DENND2C: variants seen among roughly 807,000 people sequenced by gnomAD.
DENND2C encodes DENN domain containing 2C.
Under a neutral mutation model 112.4 loss-of-function variants are expected in DENND2C, and 72 were observed. That is an observed-to-expected ratio of 0.64 (90% CI 0.53 to 0.78). The LOEUF (loss-of-function observed/expected upper bound fraction) is 0.78, where lower values mean the gene tolerates loss of function less well. Among genes scored for constraint, DENND2C ranks in the 30% least tolerant of loss-of-function variants. DENND2C has a pLI of 0.00. For synonymous variants in DENND2C, 329 were observed against 381.6 expected (o/e 0.86, Z 1.61); for missense variants, 992 against 1,113.8 (o/e 0.89, Z 1.56).
chr1:114,586,358 T>C (rs1655036449), intron 20 of DENND2C, among the ~76,000 whole-genome samples: 1 of 152,218 alleles, frequency 6.6e-6, no homozygotes, highest in Non-Finnish European at 1.5e-5. Flanking sequence ...AATTTATTTA[T>C]ATGCTGTAAA....
At chr1:114,604,058 C>CT (rs1399906570) in intron 11 of DENND2C, among the ~76,000 whole-genome samples, 1 of 152,126 alleles carries the variant, frequency 6.6e-6, no homozygotes, top group Non-Finnish European at 1.5e-5. Flanking sequence ...AGCCAGGCCA[C>CT]TATGAAAGCT....
At position 114,625,655 on chromosome 1, in the gene DENND2C, A is replaced by G. The variant is rs143504160; in HGVS notation, c.330T>C (p.Asn110=). The stretch of plus-strand genomic sequence containing the variant: ...AACATACCCAGTTGGATTCTGATTC[A>G]TTTTTAAAGAAGTGTGTATCGTCAT... ...HEYDDTHFFK[N]ESESNWVCSR... Residue 110 remains asparagine (N), a synonymous_variant, in exon 4 of 21, where the codon AAT becomes AAC. Transcript: ENST00000393274. The G allele has an allele frequency of 6.2e-6, 10 of 1,613,934 alleles. No individual in the cohort carries two copies. In the African/African-American group the frequency reaches 1.2e-4, roughly 19 times the overall value.
chr1:114,635,284 C>G (rs1157669769), intron 3 of DENND2C, among the ~76,000 whole-genome samples: 1 of 151,722 alleles, frequency 6.6e-6, no homozygotes, highest in Admixed American at 6.6e-5. Context: ...AAAGTTCTCC[C>G]TTAAGAAGAA....
chr1:114,644,002 G>A (rs1431356167), intron 3 of DENND2C, among the ~76,000 whole-genome samples: 2 of 152,094 alleles, frequency 1.3e-5, no homozygotes, highest in East Asian at 1.9e-4. Flanking sequence ...TGATTGTAAC[G>A]GGTACTACTG....
chr1:114,587,821 A>G lies in DENND2C; in HGVS notation c.2563T>C (p.Ser855Pro). ...TGGCGTACACTTCGGGAGGTGTGGG[A>G]CTTACGGAATGGTTCCCTTTGGAAA... ...RVFQREPFRK[S>P]HTSRSVRHFL... Residue 855 changes from serine to proline, a missense_variant, in exon 19 of 21, where the codon TCC becomes CCC. Around this residue, in one of 3 missense-constraint regions of DENND2C, gnomAD observed 516 missense variants for 623.6 expected, o/e 0.83. Transcript: ENST00000393274. The G allele has an allele frequency of 6.2e-7, 1 of 1,614,152 alleles. No homozygotes were observed. The highest frequency in any genetic ancestry group is 8.5e-7 in the Non-Finnish European group (1 of 1,180,022).
At chr1:114,604,791 TTCC>T (rs1446399330) in intron 11 of DENND2C, 128 bp downstream of exon 11, 2 of 651,022 alleles carry the variant, frequency 3.1e-6, no homozygotes, top group Non-Finnish European at 5.3e-6. Flanking sequence ...GCTTCTTCCT[TTCC>T]TCCTACCACA....
At chr1:114,661,638 C>A (rs1657494183) in intron 1 of DENND2C, among the ~76,000 whole-genome samples, 1 of 152,034 alleles carries the variant, frequency 6.6e-6, no homozygotes, top group Non-Finnish European at 1.5e-5. Context: ...CAGATTTTGC[C>A]CATTTGACAA....
chr1:114,650,921 C>G (rs952239331), intron 2 of DENND2C, among the ~76,000 whole-genome samples: 2 of 151,940 alleles, frequency 1.3e-5, no homozygotes, highest in African/African-American at 4.8e-5. Context: ...AAATACATCT[C>G]GTATCCTTCA....
chr1:114,603,051 A>C (rs1374608839), intron 11 of DENND2C, among the ~76,000 whole-genome samples: 1 of 152,246 alleles, frequency 6.6e-6, no homozygotes, highest in Non-Finnish European at 1.5e-5. Context: ...CTCATTAGAA[A>C]CATGGGCAAA....
At chr1:114,657,403 C>T (rs569875376) in intron 1 of DENND2C, among the ~76,000 whole-genome samples, 7 of 152,252 alleles carry the variant, frequency 4.6e-5, no homozygotes, top group Admixed American at 2.6e-4. Context: ...GGTAATCAAG[C>T]GTAAGTCAGT....
intron 6 of DENND2C, among the ~76,000 whole-genome samples, 155 bp downstream of exon 6, chr1:114,622,832 C>CA (rs1185002436): frequency 1.3e-5 from 2 of 150,984 alleles, no homozygotes; most frequent in African/African-American, 4.9e-5. Context: ...TATGTTATCC[C>CA]AAAAAACAAA....
rs563947138 is a variant in DENND2C, at chr1:114,622,636, C to T, written c.1056+351G>A. ...CACAGTTTTCATGAACTCTAGGGAG[C>T]CTTTGCTTCTAGGCGTCTCACATAC... is the stretch of plus-strand genomic sequence containing the variant. On this transcript the variant is annotated intron_variant, in intron 6 of 20. Coordinates refer to ENST00000393274, the MANE Select transcript of DENND2C (RefSeq NM_001256404.2). Among the ~76,000 whole-genome samples, 127 of 152,130 alleles carry T rather than the reference C, an allele frequency of 8.3e-4. 1 individual carries two copies. Among genetic ancestry groups the T allele is most frequent in the South Asian group, 2.1e-4 (1 of 4,816 alleles).
intron 3 of DENND2C, among the ~76,000 whole-genome samples, chr1:114,642,040 C>T (rs1271974933): frequency 6.6e-6 from 1 of 152,080 alleles, no homozygotes. Flanking sequence ...GCAACCTCTG[C>T]CTCCCGGTTC....
chr1:114,668,520 AACACACAC>A (rs71580644), intron 1 of DENND2C, among the ~76,000 whole-genome samples: 93 of 146,952 alleles, frequency 6.3e-4, no homozygotes, highest in African/African-American at 2.2e-3. Flanking sequence ...TGCCACATTC[AACACACAC>A]ACACACACAC....
At chr1:114,618,341 T>C in intron 8 of DENND2C, 45 bp downstream of exon 8, 2 of 1,381,438 alleles carry the variant, frequency 1.4e-6, no homozygotes, top group Non-Finnish European at 2.0e-6. Flanking sequence ...TCTCCTCTCA[T>C]ATCCTGACAG....
At chr1:114,627,819 CT>C (rs1656386925) in intron 3 of DENND2C, among the ~76,000 whole-genome samples, 1 of 152,086 alleles carries the variant, frequency 6.6e-6, no homozygotes, top group African/African-American at 2.4e-5. Flanking sequence ...GTCTTTGAGA[CT>C]CAGGTTTTCT....
At chr1:114,619,355 T>A (rs1656094680) in intron 7 of DENND2C, among the ~76,000 whole-genome samples, 2 of 152,218 alleles carry the variant, frequency 1.3e-5, no homozygotes, top group Non-Finnish European at 2.9e-5. Context: ...TGATTTAACA[T>A]ACTTAATGCC....
At chr1:114,623,233 A>G in intron 5 of DENND2C, 134 bp from the exon 6 acceptor site, 1 of 799,798 alleles carries the variant, frequency 1.3e-6, no homozygotes, top group Non-Finnish European at 1.9e-6. Context: ...GTGGGTTTCC[A>G]GATCAACAGC....
At chr1:114,599,857 T>G (rs1431140938) in intron 15 of DENND2C, among the ~76,000 whole-genome samples, 3 of 151,878 alleles carry the variant, frequency 2.0e-5, no homozygotes, top group Non-Finnish European at 2.9e-5. Context: ...GAGAGACTGA[T>G]CCTACATTTC....
Sources: gnomAD v4.1 joint callset for allele counts (sites outside exome capture counted in the v4.1 genomes callset) on GRCh38, gnomAD v4.1.1 for gene constraint, gnomAD v4.1.1 regional missense constraint, MANE v1.5 for transcripts, NCBI Gene and HGNC (gene_info 2026-07-23, HGNC 2026-07-21) for gene names.